LINGO2: variants seen among roughly 807,000 people sequenced by gnomAD.
The protein encoded by LINGO2 is leucine-rich repeat and immunoglobulin-like domain-containing nogo receptor-interacting protein 2.
A neutral mutation model predicts 30.6 loss-of-function variants in LINGO2; 14 were observed. The observed-to-expected ratio is 0.46, with a 90% CI of 0.30 to 0.72. The LOEUF is 0.72. LINGO2 is among the 30% of genes least tolerant of loss of function. The pLI, the probability that LINGO2 is intolerant of heterozygous loss-of-function variation, is 0.07. For synonymous variants in LINGO2, 317 were observed against 288.5 expected (o/e 1.10, Z -1.00); for missense variants, 729 against 751.7 (o/e 0.97, Z 0.35).
chr9:29,163,294 C>A, the LINGO2 span, among the ~76,000 whole-genome samples: 12 of 152,224 alleles, frequency 7.9e-5, no homozygotes, highest in African/African-American at 2.9e-4. Context: ...ATAGGGTTTA[C>A]AGAAAAGTTC....
intron 1 of LINGO2, among the ~76,000 whole-genome samples, chr9:28,669,539 C>T (rs1828935172): frequency 6.6e-6 from 1 of 151,808 alleles, no homozygotes; most frequent in African/African-American, 2.4e-5. Context: ...TAGTTTCCAA[C>T]AATTGGAAGA....
At chr9:29,119,593 TTTTTTTTTTG>T in the LINGO2 span, among the ~76,000 whole-genome samples, 9 of 145,754 alleles carry the variant, frequency 6.2e-5, no homozygotes, top group Admixed American at 2.7e-4. Flanking sequence ...TTTTTTTTTT[TTTTTTTTTTG>T]GAGACAGAGT....
At chr9:28,226,636 AAAGAAG>A (rs1241918090) in intron 4 of LINGO2, among the ~76,000 whole-genome samples, 6,064 of 62,750 alleles carry the variant, frequency 0.097, 142 homozygotes, top group East Asian at 0.1. Context: ...GGAAAGAAGG[AAAGAAG>A]GAAAGAAAGA....
At chr9:28,597,271 A>G (rs892917273) in intron 1 of LINGO2, among the ~76,000 whole-genome samples, 3 of 152,312 alleles carry the variant, frequency 2.0e-5, no homozygotes, top group African/African-American at 4.8e-5. Flanking sequence ...TGAATCTTCA[A>G]TTGCAGCAGT....
chr9:28,320,751 A>T (rs1825012259), intron 3 of LINGO2, among the ~76,000 whole-genome samples: 1 of 152,190 alleles, frequency 6.6e-6, no homozygotes, highest in Non-Finnish European at 1.5e-5. Flanking sequence ...AATTCAATAG[A>T]GGACTCTCAA....
intron 1 of LINGO2, among the ~76,000 whole-genome samples, chr9:28,512,702 A>T (rs1820461684): frequency 8.0e-6 from 1 of 125,634 alleles, no homozygotes; most frequent in African/African-American, 3.0e-5. Flanking sequence ...TCTCTCTGGG[A>T]ATTTATTAAG....
intron 1 of LINGO2, among the ~76,000 whole-genome samples, chr9:28,630,296 G>A (rs765229437): frequency 1.3e-5 from 2 of 151,784 alleles, no homozygotes; most frequent in Non-Finnish European, 2.9e-5. Flanking sequence ...TGTCTTTTCA[G>A]GATTATAGCA....
At chr9:28,623,361 T>C (rs1826501077) in intron 1 of LINGO2, among the ~76,000 whole-genome samples, 1 of 152,114 alleles carries the variant, frequency 6.6e-6, no homozygotes, top group South Asian at 2.1e-4. Context: ...TTTGATTTGA[T>C]TTTTGTATAT....
chr9:28,941,211 C>CT, the LINGO2 span, among the ~76,000 whole-genome samples: 1 of 152,132 alleles, frequency 6.6e-6, no homozygotes, highest in Admixed American at 6.6e-5. Context: ...CTTAGAGACT[C>CT]TGACCAGTGC....
At chr9:28,738,126 C>A in the LINGO2 span, among the ~76,000 whole-genome samples, 1 of 151,988 alleles carries the variant, frequency 6.6e-6, no homozygotes, top group Non-Finnish European at 1.5e-5. Context: ...ATTATAGTGT[C>A]CAGAGAGGAC....
At chr9:28,484,059 T>A (rs958936422) in intron 1 of LINGO2, among the ~76,000 whole-genome samples, 1 of 152,068 alleles carries the variant, frequency 6.6e-6, no homozygotes, top group East Asian at 1.9e-4. Flanking sequence ...GGTTCTAGTG[T>A]CAGCAACAGC....
intron 4 of LINGO2, among the ~76,000 whole-genome samples, chr9:28,283,196 C>T (rs1823389402): frequency 6.6e-6 from 1 of 152,078 alleles, no homozygotes; most frequent in African/African-American, 2.4e-5. Context: ...TTTAACTTGG[C>T]CCTTTAGGTA....
At position 28,590,781 on chromosome 9, in the gene LINGO2, C is replaced by T. The variant is rs536154050; in HGVS notation, c.-365+79419G>A. Reference sequence around the variant, plus strand: ...CTCAGGGATCTAGAACTAGAAATACCATTTGACCCAGCCATCCCATTACTG... The same window carrying T: ...CTCAGGGATCTAGAACTAGAAATACTATTTGACCCAGCCATCCCATTACTG... On this transcript the variant is annotated intron_variant, in intron 1 of 5. Transcript: ENST00000379992. Among the ~76,000 whole-genome samples, 216 of 152,166 alleles carry T rather than the reference C, an allele frequency of 1.4e-3. 1 individual carries two copies. Among genetic ancestry groups the T allele is most frequent in the African/African-American group, 5.1e-3 (212 of 41,518 alleles).
At chr9:28,493,062 G>A (rs1231338344) in intron 1 of LINGO2, among the ~76,000 whole-genome samples, 1 of 152,100 alleles carries the variant, frequency 6.6e-6, no homozygotes, top group Non-Finnish European at 1.5e-5. Context: ...CTAAAGGTGT[G>A]TTTCTTAAAG....
At chr9:28,441,590 A>T (rs1182445634) in intron 2 of LINGO2, among the ~76,000 whole-genome samples, 1 of 152,118 alleles carries the variant, frequency 6.6e-6, no homozygotes, top group African/African-American at 2.4e-5. Context: ...TTGTCTAGGC[A>T]TTACACATTG....
chr9:28,673,758 T>C (rs1829113156), upstream of LINGO2, among the ~76,000 whole-genome samples: 4 of 151,876 alleles, frequency 2.6e-5, no homozygotes. Context: ...TTCATAAGAA[T>C]TGGTAGATGT....
At chr9:28,739,742 C>T in the LINGO2 span, among the ~76,000 whole-genome samples, 1 of 151,472 alleles carries the variant, frequency 6.6e-6, no homozygotes, top group Non-Finnish European at 1.5e-5. Context: ...ATCTATGTAT[C>T]TCTAAGTCTA....
intron 4 of LINGO2, among the ~76,000 whole-genome samples, chr9:28,282,372 A>C (rs1194791384): frequency 4.6e-5 from 7 of 151,968 alleles, no homozygotes; most frequent in African/African-American, 1.7e-4. Flanking sequence ...ATTTAGGACA[A>C]ATGAGATCAA....
At chr9:28,132,676 A>G (rs1289002772) in intron 4 of LINGO2, among the ~76,000 whole-genome samples, 1 of 152,240 alleles carries the variant, frequency 6.6e-6, no homozygotes, top group Non-Finnish European at 1.5e-5. Context: ...TCAGGTTCAA[A>G]TGTAATAAAA....
Sources: allele counts gnomAD v4.1 joint callset (sites outside exome capture counted in the v4.1 genomes callset), GRCh38; gene constraint gnomAD v4.1.1; transcripts MANE v1.5; gene names NCBI Gene and HGNC (gene_info 2026-07-23, HGNC 2026-07-21).